The following SHANK2 variants were observed in gnomAD, a reference collection of about 807,000 sequenced individuals.
SHANK2 encodes SH3 and multiple ankyrin repeat domains 2, also known as SH3 and multiple ankyrin repeat domains protein 2.
SHANK2 carries 43 observed loss-of-function variants against 133.7 expected under a neutral mutation model. The ratio of observed to expected loss-of-function variants is 0.32; its 90% CI spans 0.25 to 0.41. The LOEUF (loss-of-function observed/expected upper bound fraction) is 0.41. Ranked by LOEUF, SHANK2 falls within the 10% of genes least tolerant of loss-of-function variation. SHANK2 has a pLI of 1.00. For synonymous variants in SHANK2, 1,017 were observed against 952.8 expected (o/e 1.07, Z -1.24); for missense variants, 1,994 against 2,235.8 (o/e 0.89, Z 2.18).
chr11:70,737,890 A>C (rs1390718814), intron 14 of SHANK2, among the ~76,000 whole-genome samples: 2 of 152,362 alleles, frequency 1.3e-5, no homozygotes, highest in Admixed American at 6.5e-5. Context: ...ATATTTGCTA[A>C]TAAGGTTCCA....
In SHANK2 at chr11:70,928,612, G is replaced by A. The variant is rs538457848; in HGVS notation, c.1108-32045C>T. 1.4e-4 allele frequency among the ~76,000 whole-genome samples: 21 copies of A among 152,096 alleles called. No individual in the cohort carries two copies. The East Asian group carries it at 3.7e-3, about 27-fold the overall frequency. On this transcript the variant is annotated intron_variant, in intron 10 of 25. Coordinates refer to ENST00000601538, the MANE Select transcript of SHANK2 (RefSeq NM_012309.5). Reference sequence around the variant, plus strand: ...TTGTTTCAAAGCAGATCCCTGGGGGGGAAGAGGAAGACTGGGTGGGGGCAT... The same window carrying A: ...TTGTTTCAAAGCAGATCCCTGGGGGAGAAGAGGAAGACTGGGTGGGGGCAT...
chr11:71,151,121 G>C (rs180957170), intron 2 of SHANK2, among the ~76,000 whole-genome samples: 20 of 152,190 alleles, frequency 1.3e-4, no homozygotes, highest in Non-Finnish European at 2.4e-4. Context: ...CACCATCCAG[G>C]TACACTGAGG....
intron 14 of SHANK2, among the ~76,000 whole-genome samples, chr11:70,777,427 C>A (rs1947390361): frequency 1.3e-5 from 2 of 151,892 alleles, no homozygotes; most frequent in African/African-American, 4.8e-5. Flanking sequence ...ATTAATCCAT[C>A]TAACCTCCCA....
At chr11:71,089,633 C>T (rs1951471491) in intron 8 of SHANK2, among the ~76,000 whole-genome samples, 1 of 151,798 alleles carries the variant, frequency 6.6e-6, no homozygotes, top group Non-Finnish European at 1.5e-5. Context: ...CACCCATTAG[C>T]AGTGGGTAGG....
chr11:70,716,181 C>T (rs1398250349), intron 14 of SHANK2, among the ~76,000 whole-genome samples: 1 of 152,220 alleles, frequency 6.6e-6, no homozygotes, highest in Non-Finnish European at 1.5e-5. Flanking sequence ...TCGAAGAAGG[C>T]CGATGATAAT....
rs1327420661 is a variant in SHANK2, at chr11:71,125,163, G to C, written c.208-6131C>G. Among the ~76,000 whole-genome samples, 3 of 152,034 alleles carry C rather than the reference G, an allele frequency of 2.0e-5. No homozygotes were observed. The East Asian group carries it at 5.8e-4, about 29-fold the overall frequency. ...CGAGACACAATAATATTGAAATTAG[G>C]TCAAGTAATAACCCTACAGTAGCCC... On this transcript the variant is annotated intron_variant, in intron 3 of 25. Transcript: ENST00000601538.
At chr11:71,126,900 G>C (rs1191970100) in intron 3 of SHANK2, among the ~76,000 whole-genome samples, 2 of 151,944 alleles carry the variant, frequency 1.3e-5, no homozygotes, top group African/African-American at 2.4e-5. Context: ...GTAGAGACAG[G>C]GTTTCACCGT....
At chr11:70,581,900 C>T (rs1184232185) in intron 17 of SHANK2, among the ~76,000 whole-genome samples, 4 of 152,206 alleles carry the variant, frequency 2.6e-5, no homozygotes, top group Non-Finnish European at 4.4e-5. Flanking sequence ...GATTTAATGT[C>T]CTGTAGAGCA....
chr11:70,841,797 C>T lies in SHANK2; in HGVS notation c.1175-21115G>A, dbSNP rs149439755. Among the ~76,000 whole-genome samples, 769 of 152,286 alleles carry T rather than the reference C, an allele frequency of 5.0e-3. 5 individuals carry two copies. Among genetic ancestry groups the T allele is most frequent in the African/African-American group, 0.017 (718 of 41,562 alleles). ...CTCTTCAGGACCCAAGCATGCAGTG[C>T]CACTTCTGATCTACAGACCTTCTCA... On this transcript the variant is annotated intron_variant, in intron 11 of 25. Coordinates refer to ENST00000601538, the MANE Select transcript of SHANK2 (RefSeq NM_012309.5).
chr11:70,911,711 G>A (rs1555079051), intron 10 of SHANK2, among the ~76,000 whole-genome samples: 1 of 152,156 alleles, frequency 6.6e-6, no homozygotes, highest in African/African-American at 2.4e-5. Flanking sequence ...GGGCCAGGGA[G>A]TACAACTCAT....
chr11:70,829,576 T>C (rs1052105156), intron 11 of SHANK2, among the ~76,000 whole-genome samples: 20 of 152,082 alleles, frequency 1.3e-4, no homozygotes, highest in African/African-American at 4.8e-4. Flanking sequence ...CAGCCAGATC[T>C]GAAGACCCAG....
intron 17 of SHANK2, among the ~76,000 whole-genome samples, chr11:70,600,426 A>G (rs1488567143): frequency 1.4e-4 from 21 of 151,410 alleles, no homozygotes; most frequent in African/African-American, 4.6e-4. Flanking sequence ...CTCAAAAAAA[A>G]AAAAAAAAAA....
At chr11:70,942,870 T>G (rs1477533229) in intron 10 of SHANK2, 2 of 456,674 alleles carry the variant, frequency 4.4e-6, no homozygotes, top group East Asian at 1.4e-4. Flanking sequence ...GCCCTTTGCC[T>G]GTTCACTTAC....
In SHANK2 at chr11:70,608,721, G is replaced by A. The variant is rs76922152; in HGVS notation, c.2061+51107C>T. 4.6e-3 allele frequency among the ~76,000 whole-genome samples: 699 copies of A among 152,308 alleles called. 12 individuals carry two copies. The highest frequency in any genetic ancestry group is 0.035 in the East Asian group (181 of 5,176). ...ACGGGGGTGAGGGCCACGGGCTCCC[G>A]GAAACCCATTCACAGCCGAAAGCTC... On this transcript the variant is annotated intron_variant, in intron 17 of 25. Transcript: ENST00000601538.
chr11:70,954,947 A>G (rs781994829), intron 10 of SHANK2, among the ~76,000 whole-genome samples: 2 of 152,220 alleles, frequency 1.3e-5, no homozygotes, highest in African/African-American at 2.4e-5. Context: ...GTGGGACCAC[A>G]TGGAAAGGGC....
At chr11:70,752,916 C>T (rs551941893) in intron 14 of SHANK2, among the ~76,000 whole-genome samples, 172 of 152,052 alleles carry the variant, frequency 1.1e-3, no homozygotes, top group Non-Finnish European at 2.1e-3. Flanking sequence ...GAGTTTGAGA[C>T]CAGCCTGGCT....
chr11:70,558,851 C>T lies in SHANK2; in HGVS notation c.2062-55920G>A, dbSNP rs372666398. On this transcript the variant is annotated intron_variant, in intron 17 of 25. Coordinates refer to ENST00000601538, the MANE Select transcript of SHANK2 (RefSeq NM_012309.5). The stretch of plus-strand genomic sequence containing the variant: ...GCTTCCTGGAGGACGTGAAAGAAAA[C>T]AGCAGCACAGCTGCTGCATGGAGAG... Among the ~76,000 whole-genome samples, 12 of 152,206 alleles carry T rather than the reference C, an allele frequency of 7.9e-5. No homozygotes were observed. The East Asian group carries it at 1.3e-3, about 17-fold the overall frequency.
chr11:70,617,032 T>C lies in SHANK2; in HGVS notation c.2061+42796A>G, dbSNP rs114275897. 1.6e-3 allele frequency among the ~76,000 whole-genome samples: 243 copies of C among 152,158 alleles called. 3 individuals are homozygous for C. The highest frequency in any genetic ancestry group is 5.5e-3 in the African/African-American group (228 of 41,498). ...CTGAGTGTGTGCCTATGAGCGTGTG[T>C]GTCTATGAGTGTGTGTGTAGGTGTG... On this transcript the variant is annotated intron_variant, in intron 17 of 25. Transcript: ENST00000601538.
intron 2 of SHANK2, among the ~76,000 whole-genome samples, chr11:71,180,521 C>T (rs1953533876): frequency 1.3e-5 from 2 of 151,766 alleles, no homozygotes; most frequent in South Asian, 2.1e-4. Flanking sequence ...TACAAGAAGT[C>T]GACAGTGAAA....
Sources: allele counts gnomAD v4.1 joint callset (sites outside exome capture counted in the v4.1 genomes callset), GRCh38; gene constraint gnomAD v4.1.1; transcripts MANE v1.5; gene names NCBI Gene and HGNC (gene_info 2026-07-23, HGNC 2026-07-21).